The following SSPN variants were observed in gnomAD, a reference collection of about 807,000 sequenced individuals.
SSPN encodes sarcospan.
SSPN carries 15 observed loss-of-function variants against 19.1 expected under a neutral mutation model. The observed-to-expected ratio is 0.78, with a 90% CI of 0.52 to 1.21. The LOEUF (loss-of-function observed/expected upper bound fraction) is 1.21, where lower values mean the gene tolerates loss of function less well. SSPN is among the 50% of genes most tolerant of loss of function. The pLI is 0.00. For synonymous variants in SSPN, 147 were observed against 140.3 expected (o/e 1.05, Z -0.34); for missense variants, 291 against 314.0 (o/e 0.93, Z 0.55).
chr12:26,217,783 GA>G (rs1298106398), intron 1 of SSPN, among the ~76,000 whole-genome samples: 5 of 151,602 alleles, frequency 3.3e-5, no homozygotes, highest in African/African-American at 1.2e-4. Context: ...TTTTTAGCAT[GA>G]AAGGTTGTTG....
At chr12:26,215,164 A>G (rs931955903) in intron 1 of SSPN, among the ~76,000 whole-genome samples, 8 of 152,190 alleles carry the variant, frequency 5.3e-5, no homozygotes, top group Non-Finnish European at 1.2e-4. Flanking sequence ...GTAAAGGTTG[A>G]GCTAAATTCT....
At chr12:26,227,555 C>T (rs1945190626) in intron 2 of SSPN, among the ~76,000 whole-genome samples, 1 of 152,152 alleles carries the variant, frequency 6.6e-6, no homozygotes, top group Admixed American at 6.5e-5. Context: ...ATTGTTACTC[C>T]CACATGACAA....
In SSPN at chr12:26,201,023, ATATATATATATATATATATATAT is replaced by A. The variant is rs201333815; in HGVS notation, c.279+5086_279+5108del. Among the ~76,000 whole-genome samples the A allele has an allele frequency of 0.01, 342 of 33,408 alleles. 12 individuals carry two copies. The East Asian group carries it at 0.26, about 25-fold the overall frequency. 21.9% of individuals were successfully genotyped at this position (33,408 alleles called of 152,430 possible). A position where few individuals can be genotyped will look rare whatever the true frequency, so the allele number is the denominator to read the frequency against. On this transcript the variant is annotated intron_variant, in intron 1 of 2. Transcript: ENST00000242729. ...GAAGTTAATTTGTGTATATATATAT[ATATATATATATATATATATATAT>A]TATATATATATATTTGGAAATAAAA...
chr12:26,191,630 A>G (rs1001532395), upstream of SSPN, among the ~76,000 whole-genome samples: 3 of 152,148 alleles, frequency 2.0e-5, no homozygotes, highest in African/African-American at 7.2e-5. Context: ...AATTAATGAC[A>G]TAGGAATAAA....
At chr12:26,196,570 C>G (rs1159406200) in intron 1 of SSPN, among the ~76,000 whole-genome samples, 1 of 152,190 alleles carries the variant, frequency 6.6e-6, no homozygotes, top group Non-Finnish European at 1.5e-5. Context: ...TGGGACTCCA[C>G]CGATGGATGT....
intron 2 of SSPN, among the ~76,000 whole-genome samples, chr12:26,227,490 G>A (rs1450098725): frequency 6.6e-6 from 1 of 152,124 alleles, no homozygotes; most frequent in African/African-American, 2.4e-5. Flanking sequence ...AATTAAAATT[G>A]AGCAACCACT....
upstream of SSPN, among the ~76,000 whole-genome samples, chr12:26,192,094 T>C (rs1944792766): frequency 6.6e-6 from 1 of 152,234 alleles, no homozygotes; most frequent in South Asian, 2.1e-4. Context: ...TTCTGATGCA[T>C]AAATACTTCA....
At chr12:26,194,305 T>C (rs1944807077), upstream of SSPN, among the ~76,000 whole-genome samples, 1 of 152,234 alleles carries the variant, frequency 6.6e-6, no homozygotes, top group African/African-American at 2.4e-5. Context: ...TTGTAGGTGC[T>C]TTAAAAATAA....
chr12:26,178,007 G>T (rs2343868), intron 1 of SSPN, among the ~76,000 whole-genome samples: 55,550 of 151,992 alleles, frequency 0.37, 11,389 homozygotes, highest in African/African-American at 0.56. Context: ...CTATGGGTCA[G>T]GTCACCTGGG....
intron 1 of SSPN, among the ~76,000 whole-genome samples, chr12:26,210,800 A>G (rs1207794304): frequency 6.6e-6 from 1 of 152,138 alleles, no homozygotes; most frequent in Non-Finnish European, 1.5e-5. Context: ...GAGTTTTCCT[A>G]TAATTTAGTC....
Position 26,122,753 on chromosome 12 carries a change from T to A in SSPN, c.-31+601T>A, listed in dbSNP as rs777821901. The A allele has an allele frequency of 1.9e-6, 3 of 1,596,832 alleles. No individual in the cohort carries two copies. Among genetic ancestry groups the A allele is most frequent in the East Asian group, 4.6e-5 (2 of 43,720 alleles). ...CGCGGCTCGCCCCCGCGCCTTTGCCTTTCTCGCGGTCCGGCCGGGCCTCGG... is the reference window on the plus strand; with the variant it reads ...CGCGGCTCGCCCCCGCGCCTTTGCCATTCTCGCGGTCCGGCCGGGCCTCGG... On this transcript the variant is annotated intron_variant, in intron 1 of 2. Transcript: ENST00000538142.
At chr12:26,176,845 C>T (rs1334726899) in intron 1 of SSPN, among the ~76,000 whole-genome samples, 1 of 152,178 alleles carries the variant, frequency 6.6e-6, no homozygotes. Context: ...GTACAGCAAC[C>T]TCCCTCTTGA....
chr12:26,126,156 G>A (rs1944362914), intron 1 of SSPN: 1 of 152,224 alleles, frequency 6.6e-6, no homozygotes, highest in Non-Finnish European at 1.5e-5. Flanking sequence ...GGGAATCACA[G>A]GCCAGCAAGA....
intron 1 of SSPN, among the ~76,000 whole-genome samples, chr12:26,202,617 A>C (rs1944896426): frequency 6.6e-6 from 1 of 152,214 alleles, no homozygotes; most frequent in Non-Finnish European, 1.5e-5. Context: ...AGTTGAATAG[A>C]TAGATTGCCA....
At chr12:26,122,303 GGCGGCGGCGGCT>G in intron 1 of SSPN, 1 of 1,163,986 alleles carries the variant, frequency 8.6e-7, no homozygotes, top group Non-Finnish European at 1.1e-6. Flanking sequence ...CGGCGGCAGC[GGCGGCGGCGGCT>G]GCCGCGGCTG....
intron 1 of SSPN, among the ~76,000 whole-genome samples, chr12:26,219,625 G>A (rs771622631): frequency 5.9e-5 from 9 of 152,164 alleles, no homozygotes; most frequent in Admixed American, 5.9e-4. Flanking sequence ...TTCTCTTCAC[G>A]CTAAACCAAT....
At chr12:26,207,152 A>C (rs1185184446) in intron 1 of SSPN, among the ~76,000 whole-genome samples, 1 of 152,222 alleles carries the variant, frequency 6.6e-6, no homozygotes, top group Non-Finnish European at 1.5e-5. Flanking sequence ...GTAAGGGTAG[A>C]ATTCTGGCTC....
upstream of SSPN, among the ~76,000 whole-genome samples, chr12:26,192,295 G>A (rs1019605880): frequency 3.9e-5 from 6 of 152,082 alleles, no homozygotes; most frequent in African/African-American, 1.2e-4. Flanking sequence ...TTTCTACTGC[G>A]CCTTTTTTCC....
intron 1 of SSPN, chr12:26,124,093 C>G (rs1944340275): frequency 6.2e-7 from 1 of 1,609,388 alleles, no homozygotes; most frequent in Non-Finnish European, 8.5e-7. Context: ...GATGTTCAGG[C>G]AGTAAATCTT....
Sources: allele counts gnomAD v4.1 joint callset (sites outside exome capture counted in the v4.1 genomes callset), GRCh38; gene constraint gnomAD v4.1.1; transcripts MANE v1.5; gene names NCBI Gene and HGNC (gene_info 2026-07-23, HGNC 2026-07-21).